The following RBFOX1 variants were observed in gnomAD, a reference collection of about 807,000 sequenced individuals.
The protein encoded by RBFOX1 is RNA binding fox-1 homolog 1.
In RBFOX1, 8 loss-of-function variants were observed where a neutral mutation model predicts 57.7. The ratio of observed to expected loss-of-function variants is 0.14; its 90% confidence interval spans 0.08 to 0.25. The LOEUF is 0.25. Among genes scored for constraint, RBFOX1 ranks in the 10% least tolerant of loss-of-function variants. The probability of loss-of-function intolerance (pLI) is 1.00; values close to 1 mark genes in which losing one functional copy is unlikely to be tolerated. For synonymous variants in RBFOX1, 326 were observed against 222.4 expected (o/e 1.47, Z -4.15); for missense variants, 611 against 548.5 (o/e 1.11, Z -1.14).
At chr16:6,036,501 A>T (rs1482350234) in intron 1 of RBFOX1, among the ~76,000 whole-genome samples, 1 of 152,190 alleles carries the variant, frequency 6.6e-6, no homozygotes, top group Non-Finnish European at 1.5e-5. Flanking sequence ...CTATATGCAA[A>T]TACCTATCAC....
At chr16:7,362,848 C>G (rs1178043118) in intron 4 of RBFOX1, among the ~76,000 whole-genome samples, 1 of 152,086 alleles carries the variant, frequency 6.6e-6, no homozygotes, top group African/African-American at 2.4e-5. Context: ...ACAGCATGTA[C>G]GTTTTATAAT....
chr16:6,691,274 G>C (rs1342208254), intron 3 of RBFOX1, among the ~76,000 whole-genome samples: 1 of 152,126 alleles, frequency 6.6e-6, no homozygotes, highest in Non-Finnish European at 1.5e-5. Context: ...ATCTCGATGT[G>C]TGCGTGCTGC....
At chr16:7,476,119 C>T (rs574218693) in intron 4 of RBFOX1, among the ~76,000 whole-genome samples, 26 of 152,194 alleles carry the variant, frequency 1.7e-4, no homozygotes, top group Admixed American at 1.4e-3. Flanking sequence ...GCACACATCA[C>T]CACACCCAGC....
intron 2 of RBFOX1, among the ~76,000 whole-genome samples, chr16:6,531,019 C>T (rs1021530244): frequency 9.9e-5 from 15 of 152,146 alleles, no homozygotes; most frequent in Admixed American, 7.2e-4. Flanking sequence ...GGCCATTGTC[C>T]CCCACCTTGC....
chr16:7,435,513 T>G (rs2098714601), intron 4 of RBFOX1, among the ~76,000 whole-genome samples: 1 of 152,198 alleles, frequency 6.6e-6, no homozygotes, highest in African/African-American at 2.4e-5. Context: ...CAGTTGACAC[T>G]TACGGGTGAG....
chr16:5,952,116 TAC>T (rs1257289234), intron 4 of RBFOX1, among the ~76,000 whole-genome samples: 1 of 150,532 alleles, frequency 6.6e-6, no homozygotes, highest in African/African-American at 2.4e-5. Flanking sequence ...CATATATGTA[TAC>T]ACACACACAT....
chr16:7,517,138 C>T (rs1383111030), intron 4 of RBFOX1, among the ~76,000 whole-genome samples: 2 of 130,126 alleles, frequency 1.5e-5, no homozygotes, highest in East Asian at 2.3e-4. Context: ...TTTCTTATGC[C>T]GTGTGTGTGT....
intron 1 of RBFOX1, among the ~76,000 whole-genome samples, chr16:6,112,455 C>A (rs2096456784): frequency 6.6e-6 from 1 of 152,118 alleles, no homozygotes. Flanking sequence ...CTTTGGGAGG[C>A]CAAGATGGGC....
chr16:5,847,158 T>A (rs2056777483), intron 3 of RBFOX1, among the ~76,000 whole-genome samples: 1 of 152,198 alleles, frequency 6.6e-6, no homozygotes, highest in Admixed American at 6.5e-5. Flanking sequence ...ATTTGGTGAC[T>A]CCAGGAACTT....
At chr16:7,011,247 A>G (rs2093640169) in intron 3 of RBFOX1, among the ~76,000 whole-genome samples, 1 of 152,188 alleles carries the variant, frequency 6.6e-6, no homozygotes, top group South Asian at 2.1e-4. Context: ...GGGCTTTTGC[A>G]ACATTAACTT....
chr16:6,162,630 C>G (rs1362474047), intron 1 of RBFOX1, among the ~76,000 whole-genome samples: 2 of 152,080 alleles, frequency 1.3e-5, no homozygotes, highest in African/African-American at 4.8e-5. Flanking sequence ...AAGAACAACT[C>G]AAGGGAGACA....
intron 4 of RBFOX1, among the ~76,000 whole-genome samples, chr16:7,056,651 G>A (rs2052382970): frequency 6.6e-6 from 1 of 152,114 alleles, no homozygotes; most frequent in South Asian, 2.1e-4. Flanking sequence ...ATGTTCATAG[G>A]GTGGGAGATT....
rs1202644858 is a variant in RBFOX1 at position 5,785,678 on chromosome 16, C to G, written c.319-81625C>G. Among the ~76,000 whole-genome samples the G allele has an allele frequency of 2.0e-5, 3 of 152,054 alleles. No homozygotes were observed. In the East Asian group the frequency reaches 5.8e-4, roughly 29 times the overall value. ...GAGTAGCTGGGATTACAGGCATGCA[C>G]CACCATACCCGGCTAATTTTGTATT... is the stretch of plus-strand genomic sequence containing the variant. On this transcript the variant is annotated intron_variant, in intron 3 of 19. Coordinates refer to the RBFOX1 transcript ENST00000641259.
At chr16:5,906,725 T>TTC (rs1466677007) in intron 4 of RBFOX1, among the ~76,000 whole-genome samples, 1 of 129,660 alleles carries the variant, frequency 7.7e-6, no homozygotes, top group African/African-American at 3.2e-5. Flanking sequence ...GAATCCTAGA[T>TTC]TCTTTTTTTT....
chr16:5,916,283 A>G (rs2058702160), intron 4 of RBFOX1, among the ~76,000 whole-genome samples: 1 of 152,136 alleles, frequency 6.6e-6, no homozygotes, highest in East Asian at 1.9e-4. Context: ...TTCTCGGATT[A>G]TTCTTAATTC....
At chr16:6,133,066 C>T (rs1310436898) in intron 1 of RBFOX1, among the ~76,000 whole-genome samples, 3 of 150,038 alleles carry the variant, frequency 2.0e-5, no homozygotes, top group East Asian at 1.9e-4. Context: ...GAGACTGCCT[C>T]AAAGGATGCA....
At chr16:7,677,090 A>G (rs574603035) in intron 14 of RBFOX1, among the ~76,000 whole-genome samples, 2 of 143,284 alleles carry the variant, frequency 1.4e-5, no homozygotes, top group Non-Finnish European at 3.1e-5. Flanking sequence ...AGTTTTTCAC[A>G]TCTCTTAATT....
chr16:5,868,593 T>A (rs2057395864), intron 4 of RBFOX1, among the ~76,000 whole-genome samples: 1 of 152,198 alleles, frequency 6.6e-6, no homozygotes, highest in Non-Finnish European at 1.5e-5. Flanking sequence ...CATCCTCGGA[T>A]ACAGTAACTT....
chr16:7,297,909 C>A (rs975383103), intron 4 of RBFOX1, among the ~76,000 whole-genome samples: 2 of 151,804 alleles, frequency 1.3e-5, no homozygotes, highest in African/African-American at 4.8e-5. Flanking sequence ...GTATGCACTT[C>A]ACATGACTGC....
Sources: allele counts gnomAD v4.1 joint callset (sites outside exome capture counted in the v4.1 genomes callset), GRCh38; gene constraint gnomAD v4.1.1; transcripts MANE v1.5; gene names NCBI Gene and HGNC (gene_info 2026-07-23, HGNC 2026-07-21).